MRPL34: variants seen among roughly 807,000 people sequenced by gnomAD.
MRPL34 encodes the protein large ribosomal subunit protein bL34m.
Under a neutral mutation model 6.7 loss-of-function variants are expected in MRPL34, and 8 were observed. That is an observed-to-expected ratio of 1.20 (90% confidence interval 0.70 to 2.16). The LOEUF (loss-of-function observed/expected upper bound fraction) is 2.16, where lower values mean the gene tolerates loss of function less well. Among genes scored for constraint, MRPL34 ranks in the 30% most tolerant of loss-of-function variants. The pLI is 0.00. For synonymous variants in MRPL34, 59 were observed against 55.1 expected, an observed-to-expected ratio of 1.07 and a Z score of -0.31; for missense variants, 146 against 125.5, an observed-to-expected ratio of 1.16 and a Z score of -0.78.
rs779607230 is a variant in MRPL34 at position 17,295,090 on chromosome 19, A to ATTTTTTT, written c.214+2256_214+2262dup. Among the ~76,000 whole-genome samples the ATTTTTTT allele has an allele frequency of 4.6e-4, 37 of 80,410 alleles. 6 individuals are homozygous for ATTTTTTT. Among genetic ancestry groups the ATTTTTTT allele is most frequent in the African/African-American group, 1.3e-3 (27 of 20,334 alleles). The allele number at this position is 80,410 out of a possible 152,430, so 52.8% of individuals were successfully genotyped here. On this transcript the variant is annotated intron_variant, in intron 1 of 2. Transcript: ENST00000595444. ...AGGCGCACACCACCACACCCAGGTA[A>ATTTTTTT]TTTTTTTTTTTTTTTTTTTTTTTTT...
chr19:17,292,705 C>T, exon 1 of MRPL34: 5 of 1,613,094 alleles, frequency 3.1e-6, no homozygotes, highest in Non-Finnish European at 4.2e-6. Context: ...TCCGGTAGAG[C>T]CTTGGGCGAG....
chr19:17,297,709 T>TGC (rs879667302), intron 1 of MRPL34: 23 of 151,890 alleles, frequency 1.5e-4, no homozygotes, highest in African/African-American at 5.3e-4. Context: ...GATTCCTTTC[T>TGC]TTTAGATACT....
chr19:17,292,591 A>G (rs762996098), upstream of MRPL34: 2 of 1,487,152 alleles, frequency 1.3e-6, no homozygotes, highest in South Asian at 2.6e-5. Flanking sequence ...TGCGCTGCAG[A>G]CCTGGCGCAG....
intron 1 of MRPL34, 73 bp downstream of exon 1, chr19:17,306,030 T>A (rs2074145595): frequency 2.5e-6 from 4 of 1,579,368 alleles, no homozygotes; most frequent in Admixed American, 1.7e-5. Flanking sequence ...CACTCTTCAC[T>A]GCCCGCGTGA....
Position 17,306,177 on chromosome 19 carries a change from C to A in MRPL34, c.77C>A (p.Pro26His), listed in dbSNP as rs759422003. 231 of 1,530,664 alleles carry A rather than the reference C, an allele frequency of 1.5e-4. No individual in the cohort carries two copies. Among genetic ancestry groups the A allele is most frequent in the Non-Finnish European group, 1.9e-4 (220 of 1,141,856 alleles). 94.8% of individuals were successfully genotyped at this position (1,530,664 alleles called of 1,614,324 possible). A position where few individuals can be genotyped will look rare whatever the true frequency, so the allele number is the denominator to read the frequency against. Residue 26 changes from proline (P) to histidine (H), a missense_variant, in exon 2 of 2, where the codon CCC (proline) becomes CAC (histidine). Pro to His is a moderately conservative substitution (Grantham distance 77). Transcript: ENST00000252602. ...CTCTACCCACGCAGGTGGCTCCAGC[C>A]CCGGGCCTGGCTGGGGTTCCCAGAC... The part of the protein sequence containing the change: ...AALLGGRWLQ[P>H]RAWLGFPDAW...
intron 1 of MRPL34, chr19:17,294,528 A>G: frequency 1.2e-6 from 2 of 1,613,360 alleles, no homozygotes; most frequent in South Asian, 2.2e-5. Flanking sequence ...AGGCACCGCT[A>G]GAGCCCCTTA....
Position 17,306,492 on chromosome 19 carries a change from C to A in MRPL34, c.*113C>A. 1.0e-6 allele frequency: 1 copy of A among 960,486 alleles called. No individual in the cohort carries two copies. The highest frequency in any genetic ancestry group is 1.5e-6 in the Non-Finnish European group (1 of 663,324). The allele number at this position is 960,486 out of a possible 1,614,324, so 59.5% of individuals were successfully genotyped here. The stretch of plus-strand genomic sequence containing the variant: ...AGCAGGAACGCCTCGGACCTGAGTG[C>A]TCTCCATATTGTGGGGTTGAAGTCT... On this transcript the variant is annotated 3_prime_UTR_variant, in exon 2 of 2. Transcript: ENST00000252602.
upstream of MRPL34, among the ~76,000 whole-genome samples, chr19:17,304,501 G>A (rs547311819): frequency 6.6e-6 from 1 of 152,322 alleles, no homozygotes; most frequent in East Asian, 1.9e-4. Flanking sequence ...GATGGGCTTC[G>A]GAGGACGAGG....
At chr19:17,294,525 G>T (rs1199043453) in intron 1 of MRPL34, 1 of 1,613,114 alleles carries the variant, frequency 6.2e-7, no homozygotes, top group Admixed American at 1.7e-5. Flanking sequence ...TGGAGGCACC[G>T]CTAGAGCCCC....
chr19:17,300,794 G>T, upstream of MRPL34: 1 of 1,509,982 alleles, frequency 6.6e-7, no homozygotes, highest in Non-Finnish European at 8.9e-7. Context: ...TCAGTATTTT[G>T]TGACTGTAGT....
At position 17,306,539 on chromosome 19, in the gene MRPL34, C is replaced by T. The variant is rs1232528097; in HGVS notation, c.*160C>T. The T allele has an allele frequency of 3.2e-6, 2 of 625,408 alleles. No individual in the cohort carries two copies. Among genetic ancestry groups the T allele is most frequent in the Non-Finnish European group, 5.4e-6 (2 of 372,512 alleles). 38.7% of individuals were successfully genotyped at this position (625,408 alleles called of 1,614,324 possible). On this transcript the variant is annotated 3_prime_UTR_variant, in exon 2 of 2. Transcript: ENST00000252602. ...GTCTGGATGGGAGCTTGCCAAGTCCCTTTTTAGGCTTTTTAATTAGGAAGC... is the reference window on the plus strand; with the variant it reads ...GTCTGGATGGGAGCTTGCCAAGTCCTTTTTTAGGCTTTTTAATTAGGAAGC...
chr19:17,306,067 GC>G, intron 1 of MRPL34, 98 bp from the exon 2 acceptor site: 1 of 1,534,610 alleles, frequency 6.5e-7, no homozygotes. Flanking sequence ...GCATTTTGCA[GC>G]CAGGCTCTGT....
upstream of MRPL34, chr19:17,305,679 T>G: frequency 1.7e-6 from 1 of 598,548 alleles, no homozygotes; most frequent in Non-Finnish European, 3.0e-6. Flanking sequence ...CGGCTACCTG[T>G]TGGTGTGTAT....
At chr19:17,292,624 G>A (rs1033571856) in exon 1 of MRPL34, 1 of 1,576,556 alleles carries the variant, frequency 6.3e-7, no homozygotes, top group Non-Finnish European at 8.6e-7. Context: ...TCCTGCTGCG[G>A]CTGTGCTCAC....
At chr19:17,293,103 T>C (rs2074078249) in intron 1 of MRPL34, among the ~76,000 whole-genome samples, 2 of 149,960 alleles carry the variant, frequency 1.3e-5, no homozygotes, top group African/African-American at 4.9e-5. Context: ...TCTTTCTTTT[T>C]TTTTTTTTTT....
At chr19:17,303,708 G>A (rs1449661926), upstream of MRPL34, among the ~76,000 whole-genome samples, 1 of 152,134 alleles carries the variant, frequency 6.6e-6, no homozygotes, top group Admixed American at 6.5e-5. Flanking sequence ...GGTCTCCCAA[G>A]CCCTTGCCCC....
rs199521781 is a variant in MRPL34 at position 17,294,316 on chromosome 19, G to A, written c.214+1462G>A. 102 of 1,608,896 alleles carry A rather than the reference G, an allele frequency of 6.3e-5. No individual in the cohort carries two copies. The highest frequency in any genetic ancestry group is 8.0e-5 in the Non-Finnish European group (94 of 1,179,854). On this transcript the variant is annotated intron_variant, in intron 1 of 2. Transcript: ENST00000595444. ...GGCCATGCGCTGGTCTTCCTCCACC[G>A]GCACAAACTTATCGTGCATGCCGTG... is the stretch of plus-strand genomic sequence containing the variant.
upstream of MRPL34, among the ~76,000 whole-genome samples, chr19:17,304,241 C>T (rs541307444): frequency 3.4e-4 from 52 of 152,334 alleles, no homozygotes; most frequent in Middle Eastern, 6.8e-3. Context: ...TCTGTGGTAC[C>T]GGCGGGGCCA....
exon 1 of MRPL34, chr19:17,292,615 C>G: frequency 6.4e-7 from 1 of 1,555,348 alleles, no homozygotes; most frequent in Non-Finnish European, 8.7e-7. Context: ...CGGGCCTCCT[C>G]CTGCTGCGGC....
Sources: allele counts gnomAD v4.1 joint callset (sites outside exome capture counted in the v4.1 genomes callset), GRCh38; gene constraint gnomAD v4.1.1; transcripts MANE v1.5; gene names NCBI Gene and HGNC (gene_info 2026-07-23, HGNC 2026-07-21).